The following GPR39 variants were observed in gnomAD, a reference collection of about 807,000 sequenced individuals.
GPR39 encodes the protein G protein-coupled receptor 39.
In GPR39, 23 loss-of-function variants were observed where a neutral mutation model predicts 18.4. The ratio of observed to expected loss-of-function variants is 1.25; its 90% CI spans 0.90 to 1.77. The LOEUF (loss-of-function observed/expected upper bound fraction) is 1.77. Ranked by LOEUF, GPR39 falls within the 40% of genes most tolerant of loss-of-function variation. The pLI, the probability that GPR39 is intolerant of heterozygous loss-of-function variation, is 0.00. For missense variants in GPR39, 647 were observed against 602.4 expected (o/e 1.07, Z -0.78); for synonymous variants, 280 against 257.9 (o/e 1.09, Z -0.82).
At chr2:132,620,211 A>G (rs532677437) in intron 1 of GPR39, among the ~76,000 whole-genome samples, 1 of 152,248 alleles carries the variant, frequency 6.6e-6, no homozygotes, top group South Asian at 2.1e-4. Context: ...AAGTTGATAA[A>G]TACCCAGGCA....
At chr2:132,505,784 T>A (rs537196374) in intron 1 of GPR39, among the ~76,000 whole-genome samples, 41 of 152,354 alleles carry the variant, frequency 2.7e-4, no homozygotes, top group Admixed American at 2.2e-3. Context: ...GTCACATTTT[T>A]AAAAATCCAT....
chr2:132,624,693 A>C (rs1404603542), intron 1 of GPR39, among the ~76,000 whole-genome samples: 1 of 152,214 alleles, frequency 6.6e-6, no homozygotes, highest in Non-Finnish European at 1.5e-5. Flanking sequence ...AATCTTCCGC[A>C]TCTGCCTTCT....
intron 1 of GPR39, among the ~76,000 whole-genome samples, chr2:132,440,963 C>T (rs146579912): frequency 6.2e-4 from 95 of 152,270 alleles, no homozygotes; most frequent in African/African-American, 2.1e-3. Context: ...CTGAAGGACA[C>T]GCTCTTCTCT....
chr2:132,593,700 T>G (rs1287905467), intron 1 of GPR39, among the ~76,000 whole-genome samples: 2 of 152,106 alleles, frequency 1.3e-5, no homozygotes, highest in Non-Finnish European at 2.9e-5. Flanking sequence ...TGATGTGATT[T>G]TTTTTTTCTG....
intron 1 of GPR39, among the ~76,000 whole-genome samples, chr2:132,633,442 A>G (rs962807145): frequency 3.3e-5 from 5 of 151,770 alleles, no homozygotes; most frequent in Admixed American, 2.0e-4. Flanking sequence ...GTAGTGGAAA[A>G]GAACTTTGGG....
chr2:132,535,195 A>T (rs946306332), intron 1 of GPR39, among the ~76,000 whole-genome samples: 1 of 152,032 alleles, frequency 6.6e-6, no homozygotes, highest in Non-Finnish European at 1.5e-5. Flanking sequence ...GATATCAGCT[A>T]TGGGTATGTC....
intron 1 of GPR39, among the ~76,000 whole-genome samples, chr2:132,494,155 A>T (rs1681593191): frequency 6.6e-6 from 1 of 152,074 alleles, no homozygotes; most frequent in African/African-American, 2.4e-5. Context: ...GACAAGATAC[A>T]GGTTTCTCAT....
intron 1 of GPR39, among the ~76,000 whole-genome samples, chr2:132,628,115 C>T (rs1180787916): frequency 6.6e-6 from 1 of 152,140 alleles, no homozygotes; most frequent in African/African-American, 2.4e-5. Flanking sequence ...TGCCCCCAGC[C>T]CCCAAACATG....
At chr2:132,509,767 C>G (rs765884126) in intron 1 of GPR39, among the ~76,000 whole-genome samples, 4 of 152,142 alleles carry the variant, frequency 2.6e-5, no homozygotes, top group Non-Finnish European at 5.9e-5. Flanking sequence ...GGGACCCAGG[C>G]ACCATTAGTT....
intron 1 of GPR39, among the ~76,000 whole-genome samples, chr2:132,487,211 A>G (rs1485112715): frequency 3.3e-5 from 5 of 152,202 alleles, no homozygotes; most frequent in Admixed American, 1.3e-4. Flanking sequence ...GTAACAGCAT[A>G]TATCACTGAT....
intron 1 of GPR39, among the ~76,000 whole-genome samples, chr2:132,626,421 G>T (rs2104865098): frequency 6.6e-6 from 1 of 152,296 alleles, no homozygotes; most frequent in African/African-American, 2.4e-5. Context: ...TAATAAGGCT[G>T]CACTACAGTG....
rs181151197 is a variant in GPR39 at position 132,616,205 on chromosome 2, C to T, written c.857-28896C>T. ...TATTATTTATTGTCATCTGACAAAC[C>T]TGTGAGGTTGGTTGGTATCTCAGTT... On this transcript the variant is annotated intron_variant, in intron 1 of 1. Transcript: ENST00000329321. Among the ~76,000 whole-genome samples, 16 of 152,260 alleles carry T rather than the reference C, an allele frequency of 1.1e-4. 1 individual carries two copies. In the East Asian group the frequency reaches 2.9e-3, roughly 28 times the overall value.
chr2:132,545,655 CGTGTGTGTGTGT>C (rs35108024), intron 1 of GPR39, among the ~76,000 whole-genome samples: 2 of 149,746 alleles, frequency 1.3e-5, no homozygotes, highest in Non-Finnish European at 3.0e-5. Flanking sequence ...GTGTGATGGG[CGTGTGTGTGTGT>C]GTGTGTGTGT....
chr2:132,537,815 C>T lies in GPR39; in HGVS notation c.857-107286C>T, dbSNP rs1213861756. Reference sequence around the variant, plus strand: ...AAAATGGTCTTCAGATTCTGATATCCTTTCTTCTGCTTGATCGATTCGACT... The same window carrying T: ...AAAATGGTCTTCAGATTCTGATATCTTTTCTTCTGCTTGATCGATTCGACT... On this transcript the variant is annotated intron_variant, in intron 1 of 1. Transcript: ENST00000329321. 3.3e-5 allele frequency among the ~76,000 whole-genome samples: 5 copies of T among 151,684 alleles called. No homozygotes were observed. The East Asian group carries it at 9.7e-4, about 30-fold the overall frequency.
chr2:132,569,526 G>A lies in GPR39; in HGVS notation c.857-75575G>A, dbSNP rs1573673063. Among the ~76,000 whole-genome samples the A allele has an allele frequency of 2.6e-5, 4 of 151,816 alleles. No individual in the cohort carries two copies. The South Asian group carries it at 8.3e-4, about 32-fold the overall frequency. On this transcript the variant is annotated intron_variant, in intron 1 of 1. Coordinates refer to ENST00000329321, the MANE Select transcript of GPR39 (RefSeq NM_001508.3). ...GACAGCAGCTGTGGTGGGGAGGGGG[G>A]CTGTGGAGCTCTGTGGGGATGGGGT... is the stretch of plus-strand genomic sequence containing the variant.
intron 1 of GPR39, among the ~76,000 whole-genome samples, chr2:132,592,020 TGGTAAACAG>T (rs1680854820): frequency 6.6e-6 from 1 of 152,194 alleles, no homozygotes; most frequent in African/African-American, 2.4e-5. Context: ...TATATTTCCT[TGGTAAACAG>T]GGTCTTTTTC....
chr2:132,560,152 A>G (rs1680224943), intron 1 of GPR39, among the ~76,000 whole-genome samples: 1 of 151,914 alleles, frequency 6.6e-6, no homozygotes, highest in South Asian at 2.1e-4. Flanking sequence ...TCAACCTCCA[A>G]CCGCCCACCT....
intron 1 of GPR39, among the ~76,000 whole-genome samples, chr2:132,516,281 TC>T (rs745636114): frequency 6.6e-6 from 1 of 152,144 alleles, no homozygotes; most frequent in Non-Finnish European, 1.5e-5. Context: ...ATTCAGAGCT[TC>T]TCATCAGACA....
intron 1 of GPR39, among the ~76,000 whole-genome samples, chr2:132,511,874 C>G (rs1382005542): frequency 1.5e-5 from 1 of 68,302 alleles, no homozygotes; most frequent in Non-Finnish European, 3.5e-5. Flanking sequence ...AGTGATGACT[C>G]AAGTCCAGGC....
Sources: gnomAD v4.1 joint callset for allele counts (sites outside exome capture counted in the v4.1 genomes callset) on GRCh38, gnomAD v4.1.1 for gene constraint, MANE v1.5 for transcripts, NCBI Gene and HGNC (gene_info 2026-07-23, HGNC 2026-07-21) for gene names.